Variants in ARSK observed in about 807,000 individuals in gnomAD.
The protein encoded by ARSK is arylsulfatase K.
A neutral mutation model predicts 53.2 loss-of-function variants in ARSK; 37 were observed. The observed-to-expected ratio is 0.70, with a 90% CI of 0.54 to 0.92. The LOEUF is 0.92. Among genes scored for constraint, ARSK ranks in the 40% least tolerant of loss-of-function variants. The pLI, the probability that ARSK is intolerant of heterozygous loss-of-function variation, is 0.00. For missense variants in ARSK, 613 were observed against 643.0 expected (o/e 0.95, Z 0.51); for synonymous variants, 208 against 223.2 (o/e 0.93, Z 0.61).
chr5:95,574,104 C>T (rs1013634907), intron 3 of ARSK, among the ~76,000 whole-genome samples: 1 of 152,158 alleles, frequency 6.6e-6, no homozygotes, highest in African/African-American at 2.4e-5. Context: ...TGAAGTTTGC[C>T]TTTCTGTGCC....
chr5:95,586,579 C>A lies in ARSK; in HGVS notation c.717C>A (p.Ile239=). ...YWLEKVSHDA[I]KIPKWSPLSE... is the part of the protein sequence containing the mutation. ...CTTTTTAGGTGTCTCATGATGCCAT[C>A]AAAATCCCAAAGTGGTCACCTTTGT... Residue 239 remains isoleucine (I), a synonymous_variant, in exon 5 of 8, where the codon ATC becomes ATA. Transcript: ENST00000380009. The A allele has an allele frequency of 6.2e-7, 1 of 1,611,772 alleles. No homozygotes were observed. The highest frequency in any genetic ancestry group is 1.1e-5 in the South Asian group (1 of 90,270).
intron 6 of ARSK, among the ~76,000 whole-genome samples, chr5:95,593,316 A>G (rs150084301): frequency 1.3e-5 from 2 of 152,260 alleles, no homozygotes; most frequent in African/African-American, 4.8e-5. Flanking sequence ...TTCCCTCAGT[A>G]TATTTCAAAG....
chr5:95,565,164 G>A (rs1580215640), intron 1 of ARSK, among the ~76,000 whole-genome samples: 1 of 152,128 alleles, frequency 6.6e-6, no homozygotes, highest in Admixed American at 6.5e-5. Context: ...CTTTACCAAC[G>A]TGAGTTCTTC....
chr5:95,556,680 T>C (rs1228101377), intron 1 of ARSK: 6 of 155,606 alleles, frequency 3.9e-5, no homozygotes, highest in Non-Finnish European at 8.5e-5. Flanking sequence ...TAGTGTAGTA[T>C]GAATGCATAG....
At chr5:95,584,415 TG>T (rs1749073735) in intron 4 of ARSK, among the ~76,000 whole-genome samples, 1 of 152,236 alleles carries the variant, frequency 6.6e-6, no homozygotes, top group South Asian at 2.1e-4. Flanking sequence ...GGGGTAATTT[TG>T]TTAGGGGACT....
chr5:95,588,594 A>C (rs114251915), intron 5 of ARSK, among the ~76,000 whole-genome samples: 9,048 of 152,236 alleles, frequency 0.059, 324 homozygotes, highest in East Asian at 0.11. Context: ...TTGTTAACAA[A>C]CATTAAGTAC....
chr5:95,595,330 T>C (rs1749290123), intron 6 of ARSK, among the ~76,000 whole-genome samples: 1 of 152,216 alleles, frequency 6.6e-6, no homozygotes, highest in Non-Finnish European at 1.5e-5. Context: ...ATCCCATTAC[T>C]GGGTACATAC....
intron 3 of ARSK, chr5:95,580,757 T>A (rs944561466): frequency 3.3e-6 from 1 of 301,866 alleles, no homozygotes; most frequent in Non-Finnish European, 5.7e-6. Context: ...TAATTATTAA[T>A]CTTTTTTGAA....
intron 3 of ARSK, 39 bp downstream of exon 3, chr5:95,568,088 C>T (rs750112834): frequency 2.5e-6 from 4 of 1,600,150 alleles, no homozygotes; most frequent in Non-Finnish European, 8.5e-7. Flanking sequence ...GGACTGCCCT[C>T]TGCCATAGCG....
chr5:95,584,642 A>G (rs1302907413), intron 4 of ARSK, among the ~76,000 whole-genome samples: 1 of 152,170 alleles, frequency 6.6e-6, no homozygotes, highest in Non-Finnish European at 1.5e-5. Context: ...CGCAATCTAT[A>G]CATCTGACAA....
intron 4 of ARSK, among the ~76,000 whole-genome samples, chr5:95,584,748 C>T (rs537217769): frequency 1.1e-4 from 16 of 152,150 alleles, no homozygotes; most frequent in East Asian, 3.9e-4. Flanking sequence ...ATAGGGCTCA[C>T]GCCTGTAATC....
At chr5:95,601,771 A>C (rs951230769) in intron 7 of ARSK, among the ~76,000 whole-genome samples, 1 of 152,230 alleles carries the variant, frequency 6.6e-6, no homozygotes, top group Non-Finnish European at 1.5e-5. Context: ...TAGCAAAATT[A>C]TTATCAAAAT....
intron 3 of ARSK, among the ~76,000 whole-genome samples, chr5:95,579,007 T>C (rs894032959): frequency 6.6e-6 from 1 of 152,224 alleles, no homozygotes; most frequent in African/African-American, 2.4e-5. Flanking sequence ...AACTGCTGAT[T>C]GTTGGTTAGT....
chr5:95,578,374 T>G (rs1178312927), intron 3 of ARSK, among the ~76,000 whole-genome samples: 1 of 150,220 alleles, frequency 6.7e-6, no homozygotes, highest in East Asian at 1.9e-4. Flanking sequence ...CCCTGACTGG[T>G]CTCAAACTCC....
chr5:95,563,619 G>T (rs1748676878), intron 1 of ARSK, among the ~76,000 whole-genome samples: 1 of 152,184 alleles, frequency 6.6e-6, no homozygotes, highest in Non-Finnish European at 1.5e-5. Flanking sequence ...GATGAGTCAA[G>T]AAATCACTAA....
rs777708840 is a variant in ARSK at position 95,576,831 on chromosome 5, C to T, written c.417-6085C>T. Among the ~76,000 whole-genome samples the T allele has an allele frequency of 3.2e-4, 49 of 152,146 alleles. 1 individual carries two copies. The highest frequency in any genetic ancestry group is 1.7e-3 in the Admixed American group (26 of 15,280). ...GGCTCAAGTTCCATCTCCCTTGTGA[C>T]TCTTTCTCTACCTCACAGCTGCATC... On this transcript the variant is annotated intron_variant, in intron 3 of 7. Transcript: ENST00000380009.
chr5:95,584,979 C>T (rs1749087365), intron 4 of ARSK, among the ~76,000 whole-genome samples: 1 of 152,132 alleles, frequency 6.6e-6, no homozygotes, highest in Non-Finnish European at 1.5e-5. Flanking sequence ...CATTGCACCC[C>T]AGCCTGGGCA....
chr5:95,601,196 C>A, intron 7 of ARSK, 125 bp downstream of exon 7: 2 of 961,952 alleles, frequency 2.1e-6, no homozygotes, highest in Non-Finnish European at 3.1e-6. Context: ...CATGCTAGGA[C>A]GATCTACAAA....
chr5:95,587,359 C>G (rs10075022), intron 5 of ARSK, among the ~76,000 whole-genome samples: 37,853 of 151,996 alleles, frequency 0.25, 6,298 homozygotes, highest in African/African-American at 0.47. Context: ...GAAAAACCCT[C>G]GTTTAAAAAT....
Sources: gnomAD v4.1 joint callset for allele counts (sites outside exome capture counted in the v4.1 genomes callset) on GRCh38, gnomAD v4.1.1 for gene constraint, MANE v1.5 for transcripts, NCBI Gene and HGNC (gene_info 2026-07-23, HGNC 2026-07-21) for gene names.